The following SYNDIG1 variants were observed in gnomAD, a reference collection of about 807,000 sequenced individuals.
The protein encoded by SYNDIG1 is synapse differentiation inducing 1, also known as synapse differentiation-inducing gene protein 1.
Under a neutral mutation model 19.4 loss-of-function variants are expected in SYNDIG1, and 9 were observed. That is an observed-to-expected ratio of 0.46 (90% CI 0.28 to 0.81). The LOEUF is 0.81. Ranked by LOEUF, SYNDIG1 falls within the 30% of genes least tolerant of loss-of-function variation. The pLI, the probability that SYNDIG1 is intolerant of heterozygous loss-of-function variation, is 0.12. For synonymous variants in SYNDIG1, 141 were observed against 145.9 expected, an observed-to-expected ratio of 0.97 and a Z score of 0.24; for missense variants, 311 against 343.3, an observed-to-expected ratio of 0.91 and a Z score of 0.74.
intron 3 of SYNDIG1, among the ~76,000 whole-genome samples, chr20:24,628,768 G>A (rs1462556485): frequency 1.3e-5 from 2 of 152,146 alleles, no homozygotes; most frequent in African/African-American, 4.8e-5. Context: ...TCTGCCAAAT[G>A]CATCGCGCTA....
chr20:24,585,634 T>C (rs1453246793), intron 3 of SYNDIG1, among the ~76,000 whole-genome samples: 1 of 152,204 alleles, frequency 6.6e-6, no homozygotes, highest in African/African-American at 2.4e-5. Context: ...TTTTGAAATA[T>C]TTGGAAGGAA....
intron 1 of SYNDIG1, among the ~76,000 whole-genome samples, chr20:24,501,207 T>C (rs978416029): frequency 6.6e-6 from 1 of 152,218 alleles, no homozygotes; most frequent in East Asian, 1.9e-4. Context: ...ACTTTACATA[T>C]GTAGGGTGTG....
chr20:24,632,599 A>G (rs150227872), intron 3 of SYNDIG1, among the ~76,000 whole-genome samples: 1 of 152,344 alleles, frequency 6.6e-6, no homozygotes, highest in East Asian at 1.9e-4. Context: ...CCTCATTTCA[A>G]TGAGAGTTTT....
intron 3 of SYNDIG1, among the ~76,000 whole-genome samples, chr20:24,664,192 C>T (rs2059628240): frequency 6.6e-6 from 1 of 152,128 alleles, no homozygotes; most frequent in Non-Finnish European, 1.5e-5. Flanking sequence ...ACTTCCAGAG[C>T]TCAGAGACCA....
chr20:24,645,382 T>C (rs1197346230), intron 3 of SYNDIG1, among the ~76,000 whole-genome samples: 5 of 152,172 alleles, frequency 3.3e-5, no homozygotes, highest in Non-Finnish European at 7.3e-5. Context: ...GCAGACCAAA[T>C]AGCTGGTTTT....
intron 3 of SYNDIG1, among the ~76,000 whole-genome samples, chr20:24,636,575 G>A (rs1039107237): frequency 6.6e-6 from 1 of 152,162 alleles, no homozygotes; most frequent in African/African-American, 2.4e-5. Context: ...ATGCAGATGG[G>A]GTCTCTACCT....
At chr20:24,496,177 C>A (rs545852729) in intron 1 of SYNDIG1, among the ~76,000 whole-genome samples, 1 of 152,154 alleles carries the variant, frequency 6.6e-6, no homozygotes, top group Non-Finnish European at 1.5e-5. Flanking sequence ...GGGTTGACTG[C>A]ATGTTTCAGG....
rs1305790236 is a variant in SYNDIG1, at chr20:24,608,417, G to T, written c.618+23424G>T. Reference sequence around the variant, plus strand: ...TGTTCTCAAACTCCTGACCTCAGGTGATCTGCCCACCTCAGCCTCCCAAAG... The same window carrying T: ...TGTTCTCAAACTCCTGACCTCAGGTTATCTGCCCACCTCAGCCTCCCAAAG... On this transcript the variant is annotated intron_variant, in intron 3 of 3. Transcript: ENST00000376862. 3.3e-5 allele frequency among the ~76,000 whole-genome samples: 5 copies of T among 152,090 alleles called. No individual in the cohort carries two copies. The East Asian group carries it at 9.6e-4, about 29-fold the overall frequency.
rs1055930323 is a variant in SYNDIG1 at position 24,658,722 on chromosome 20, G to A, written c.619-6624G>A. 7.3e-5 allele frequency among the ~76,000 whole-genome samples: 11 copies of A among 151,338 alleles called. No individual in the cohort carries two copies. The highest frequency in any genetic ancestry group is 2.2e-4 in the African/African-American group (9 of 41,158). On this transcript the variant is annotated intron_variant, in intron 3 of 3. Transcript: ENST00000376862. The surrounding 1 kb of genome is among the most constrained non-coding windows in gnomAD (Gnocchi z 4.4). ...GGAAAGCCCACAAAGTGCACAGCCC[G>A]GCAACGCCCAGAGCTTCGTTTCAGG... is the stretch of plus-strand genomic sequence containing the variant.
intron 3 of SYNDIG1, among the ~76,000 whole-genome samples, chr20:24,593,682 A>G (rs547414762): frequency 6.6e-6 from 1 of 152,336 alleles, no homozygotes; most frequent in South Asian, 2.1e-4. Flanking sequence ...CCTTTTCTCC[A>G]CAACCTTGCT....
At chr20:24,601,482 G>A (rs1014806865) in intron 3 of SYNDIG1, among the ~76,000 whole-genome samples, 6 of 152,122 alleles carry the variant, frequency 3.9e-5, no homozygotes, top group South Asian at 2.1e-4. Context: ...CTTTAATATC[G>A]ATATCTCTGA....
intron 1 of SYNDIG1, among the ~76,000 whole-genome samples, chr20:24,508,418 G>A (rs1188184081): frequency 1.3e-4 from 15 of 116,176 alleles, no homozygotes; most frequent in East Asian, 2.5e-4. Flanking sequence ...TAGTAGAGAC[G>A]GAGTTTCACC....
At chr20:24,484,535 C>T (rs2055902813) in intron 1 of SYNDIG1, among the ~76,000 whole-genome samples, 1 of 152,096 alleles carries the variant, frequency 6.6e-6, no homozygotes, top group Non-Finnish European at 1.5e-5. Flanking sequence ...GAGTCTCAAG[C>T]CCACCTGGGT....
chr20:24,585,199 G>C (rs576839822), intron 3 of SYNDIG1, among the ~76,000 whole-genome samples: 53 of 152,350 alleles, frequency 3.5e-4, no homozygotes, highest in African/African-American at 1.2e-3. Flanking sequence ...CCTCACCCCA[G>C]ATGCAGCTGT....
chr20:24,503,983 G>A (rs1263840703), intron 1 of SYNDIG1, among the ~76,000 whole-genome samples: 3 of 133,014 alleles, frequency 2.3e-5, no homozygotes, highest in African/African-American at 3.2e-5. Flanking sequence ...TTTTTGAGAC[G>A]GAGTCTCACA....
intron 3 of SYNDIG1, among the ~76,000 whole-genome samples, chr20:24,635,101 C>A (rs1222563970): frequency 6.6e-6 from 1 of 152,222 alleles, no homozygotes; most frequent in Admixed American, 6.5e-5. Flanking sequence ...CACTCCTCAC[C>A]CTGCCAGCGG....
chr20:24,642,363 G>A (rs117591227), intron 3 of SYNDIG1, among the ~76,000 whole-genome samples: 1 of 152,034 alleles, frequency 6.6e-6, no homozygotes, highest in African/African-American at 2.4e-5. Context: ...TGGAGAGAGA[G>A]GGATTGTCAG....
chr20:24,584,372 A>T (rs374480325), intron 2 of SYNDIG1, among the ~76,000 whole-genome samples: 15 of 152,238 alleles, frequency 9.9e-5, no homozygotes, highest in South Asian at 8.3e-4. Flanking sequence ...GTCTCGTAAT[A>T]CAAAGAAAAA....
intron 1 of SYNDIG1, among the ~76,000 whole-genome samples, chr20:24,538,157 T>G (rs1054009987): frequency 6.6e-6 from 1 of 152,194 alleles, no homozygotes; most frequent in African/African-American, 2.4e-5. Flanking sequence ...AAGTGTACAG[T>G]TCGGTGGTAT....
Sources: allele counts gnomAD v4.1 joint callset (sites outside exome capture counted in the v4.1 genomes callset), GRCh38; gene constraint gnomAD v4.1.1; non-coding constraint Gnocchi (gnomAD v3.1); transcripts MANE v1.5; gene names NCBI Gene and HGNC (gene_info 2026-07-23, HGNC 2026-07-21).